PRPF18: variants seen among roughly 807,000 people sequenced by gnomAD.
The protein encoded by PRPF18 is pre-mRNA-splicing factor 18.
PRPF18 carries 38 observed loss-of-function variants against 46.5 expected under a neutral mutation model. That is an observed-to-expected ratio of 0.82 (90% CI 0.63 to 1.07). The LOEUF (loss-of-function observed/expected upper bound fraction) is 1.07, where lower values mean the gene tolerates loss of function less well. Ranked by LOEUF, PRPF18 falls within the 50% of genes least tolerant of loss-of-function variation. PRPF18 has a pLI of 0.00. For missense variants in PRPF18, 263 were observed against 410.0 expected, an observed-to-expected ratio of 0.64 and a Z score of 3.10; for synonymous variants, 152 against 146.7, an observed-to-expected ratio of 1.04 and a Z score of -0.26.
At chr10:13,595,209 T>C (rs2080016509) in intron 1 of PRPF18, among the ~76,000 whole-genome samples, 2 of 152,140 alleles carry the variant, frequency 1.3e-5, no homozygotes, top group African/African-American at 4.8e-5. Flanking sequence ...ACATAATGTC[T>C]TAGTATATCA....
chr10:13,589,351 AC>A (rs2079924285), intron 1 of PRPF18, among the ~76,000 whole-genome samples: 1 of 152,228 alleles, frequency 6.6e-6, no homozygotes, highest in African/African-American at 2.4e-5. Context: ...CCTCCACACA[AC>A]CAGCAAACTT....
At chr10:13,635,202 A>G (rs1459061360), downstream of PRPF18, among the ~76,000 whole-genome samples, 5 of 152,194 alleles carry the variant, frequency 3.3e-5, no homozygotes, top group African/African-American at 1.2e-4. Context: ...AGCTCCATCC[A>G]TGTCCCTGCA....
intron 9 of PRPF18, among the ~76,000 whole-genome samples, chr10:13,621,883 A>G (rs1015105253): frequency 1.3e-5 from 2 of 152,126 alleles, no homozygotes; most frequent in Admixed American, 1.3e-4. Context: ...ATTTCAATCC[A>G]TGTTTCAGGT....
intron 6 of PRPF18, 60 bp from the exon 7 acceptor site, chr10:13,613,681 T>A: frequency 6.5e-7 from 1 of 1,535,740 alleles, no homozygotes; most frequent in Non-Finnish European, 8.8e-7. Context: ...CTAGAGAGCA[T>A]TTAGATGTAC....
intron 9 of PRPF18, among the ~76,000 whole-genome samples, chr10:13,622,701 A>G (rs977518216): frequency 2.0e-5 from 3 of 152,176 alleles, no homozygotes; most frequent in Admixed American, 6.5e-5. Context: ...GTCTGAAGCT[A>G]TCTGTTTTCT....
intron 9 of PRPF18, among the ~76,000 whole-genome samples, chr10:13,624,021 G>A (rs922559514): frequency 4.6e-5 from 7 of 152,138 alleles, no homozygotes; most frequent in South Asian, 2.1e-4. Flanking sequence ...GTCTCATTCC[G>A]TCTCCCAGGC....
chr10:13,597,654 GAGA>G, intron 2 of PRPF18, 119 bp downstream of exon 2: 1 of 1,604,510 alleles, frequency 6.2e-7, no homozygotes, highest in Non-Finnish European at 8.5e-7. Flanking sequence ...GCCTATAAAT[GAGA>G]AGCCATCTGG....
In PRPF18 at chr10:13,605,640, A is replaced by G; in HGVS notation, c.259A>G (p.Arg87Gly). ...CTGTTTCACTTTGTAGGTCATCAGAAGATTGAGAGAAAGAGGAGAACCAAT... is the reference window on the plus strand; with the variant it reads ...CTGTTTCACTTTGTAGGTCATCAGAGGATTGAGAGAAAGAGGAGAACCAAT... ...MTLSRQEVIR[R>G]LRERGEPIRL... is the part of the protein sequence containing the mutation. The change falls in exon 4 of 10, where the codon AGA becomes GGA. Residue 87 changes from arginine to glycine, a missense_variant. By Grantham distance (125) the Arg-to-Gly change is moderately radical. Coordinates refer to ENST00000378572, the MANE Select transcript of PRPF18 (RefSeq NM_003675.4). 1.2e-6 allele frequency: 2 copies of G among 1,606,124 alleles called. No homozygotes were observed. Among genetic ancestry groups the G allele is most frequent in the Non-Finnish European group, 1.7e-6 (2 of 1,177,564 alleles).
At chr10:13,634,089 G>A (rs1286500491), downstream of PRPF18, among the ~76,000 whole-genome samples, 1 of 152,208 alleles carries the variant, frequency 6.6e-6, no homozygotes, top group East Asian at 1.9e-4. Context: ...CGCAGCTATG[G>A]TGTGAGCTGA....
chr10:13,654,278 C>T, the PRPF18 span: 1 of 693,484 alleles, frequency 1.4e-6, no homozygotes, highest in Non-Finnish European at 2.6e-6. Flanking sequence ...GATCATGGGG[C>T]TTCTCTTGAA....
downstream of PRPF18, among the ~76,000 whole-genome samples, chr10:13,635,833 T>C (rs2080632769): frequency 6.6e-6 from 1 of 152,100 alleles, no homozygotes; most frequent in Admixed American, 6.5e-5. Context: ...GGACTATAAT[T>C]CTTTTTTGAT....
chr10:13,640,424 A>C, the PRPF18 span: 1 of 152,198 alleles, frequency 6.6e-6, no homozygotes, highest in Non-Finnish European at 1.5e-5. Flanking sequence ...CGCAATCCCA[A>C]GCTCAGGTGG....
At position 13,618,122 on chromosome 10, in the gene PRPF18, G is replaced by A. The variant is rs185882095; in HGVS notation, c.948+1569G>A. ...GACTGACTTGGATGGCTATACCGAAGGATGGGTTTATCAGGTTTGCAGACA... is the reference window on the plus strand; with the variant it reads ...GACTGACTTGGATGGCTATACCGAAAGATGGGTTTATCAGGTTTGCAGACA... On this transcript the variant is annotated intron_variant, in intron 9 of 9. Coordinates refer to ENST00000378572, the MANE Select transcript of PRPF18 (RefSeq NM_003675.4). Among the ~76,000 whole-genome samples the A allele has an allele frequency of 1.8e-4, 27 of 152,264 alleles. No homozygotes were observed. In the East Asian group the frequency reaches 4.6e-3, roughly 26 times the overall value.
At chr10:13,616,651 A>G in intron 9 of PRPF18, 98 bp downstream of exon 9, 1 of 1,471,038 alleles carries the variant, frequency 6.8e-7, no homozygotes, top group Non-Finnish European at 9.4e-7. Context: ...TACAGCAAAT[A>G]GAACATAGCG....
the PRPF18 span, chr10:13,651,382 C>G: frequency 6.5e-6 from 1 of 153,228 alleles, no homozygotes; most frequent in East Asian, 1.9e-4. Flanking sequence ...ACACTGATTA[C>G]TCACAGTAAA....
chr10:13,621,350 GAGA>G (rs1235575367), intron 9 of PRPF18, among the ~76,000 whole-genome samples: 1 of 152,182 alleles, frequency 6.6e-6, no homozygotes, highest in East Asian at 1.9e-4. Context: ...TTGTAGGTTG[GAGA>G]AGAATGAGTT....
chr10:13,643,399 A>G, the PRPF18 span: 1 of 152,248 alleles, frequency 6.6e-6, no homozygotes. Flanking sequence ...AAAGGCTGAG[A>G]TAGTATCCTC....
chr10:13,597,497 AAAG>A lies in PRPF18; in HGVS notation c.111_113del (p.Glu39del), dbSNP rs2080052419. 1.2e-6 allele frequency: 2 copies of A among 1,610,464 alleles called. No homozygotes were observed. The highest frequency in any genetic ancestry group is 2.7e-5 in the African/African-American group (2 of 74,882). On this transcript the variant is annotated inframe_deletion, in exon 2 of 10. Transcript: ENST00000378572. ...TTTCAAGCGTAGTGAGCTCGCCAAA[AAAG>A]AAGAGGAAGCATATTTTGAAAGATG...
At chr10:13,602,037 A>G (rs2133393789) in intron 3 of PRPF18, among the ~76,000 whole-genome samples, 1 of 152,244 alleles carries the variant, frequency 6.6e-6, no homozygotes, top group Admixed American at 6.5e-5. Context: ...TGTCTATGTA[A>G]TTTTTGATTG....
Sources: allele counts gnomAD v4.1 joint callset (sites outside exome capture counted in the v4.1 genomes callset), GRCh38; gene constraint gnomAD v4.1.1; transcripts MANE v1.5; gene names NCBI Gene and HGNC (gene_info 2026-07-23, HGNC 2026-07-21).